ERC1: variants seen among roughly 807,000 people sequenced by gnomAD.
ERC1 encodes RAB6 interacting protein 2.
Under a neutral mutation model 132.0 loss-of-function variants are expected in ERC1, and 56 were observed. The observed-to-expected ratio is 0.42, with a 90% CI of 0.34 to 0.53. The LOEUF is 0.53. Among genes scored for constraint, ERC1 ranks in the 20% least tolerant of loss-of-function variants. The probability of loss-of-function intolerance (pLI) is 0.03; values close to 1 mark genes in which losing one functional copy is unlikely to be tolerated. For synonymous variants in ERC1, 478 were observed against 476.1 expected, an observed-to-expected ratio of 1.00 and a Z score of -0.05; for missense variants, 1,202 against 1,349.9, an observed-to-expected ratio of 0.89 and a Z score of 1.72.
chr12:1,065,480 T>G (rs80015030), intron 2 of ERC1, among the ~76,000 whole-genome samples: 10 of 124,920 alleles, frequency 8.0e-5, no homozygotes, highest in African/African-American at 1.5e-4. Context: ...TTTGTACCGT[T>G]TGTGTGTGTG....
At chr12:1,439,666 C>G (rs575458150) in intron 17 of ERC1, among the ~76,000 whole-genome samples, 1 of 152,206 alleles carries the variant, frequency 6.6e-6, no homozygotes, top group South Asian at 2.1e-4. Context: ...AAGTACAGTT[C>G]ATTATAGCTG....
At chr12:1,133,803 C>T (rs1028914820) in intron 7 of ERC1, among the ~76,000 whole-genome samples, 3 of 152,170 alleles carry the variant, frequency 2.0e-5, no homozygotes, top group Non-Finnish European at 2.9e-5. Context: ...CCCCATGCCT[C>T]TCCCTGTTCC....
chr12:1,460,464 A>G (rs1274455826), intron 18 of ERC1, among the ~76,000 whole-genome samples: 2 of 152,208 alleles, frequency 1.3e-5, no homozygotes, highest in African/African-American at 4.8e-5. Context: ...AGCTCCACCC[A>G]TCGCTGCACC....
At position 1,289,249 on chromosome 12, in the gene ERC1, TTATATAGG is replaced by T. The variant is rs200458670; in HGVS notation, c.2620-594_2620-587del. On this transcript the variant is annotated intron_variant, in intron 14 of 18. Coordinates refer to ENST00000360905, the MANE Select transcript of ERC1 (RefSeq NM_178040.4). ...TATAGGTATATATATGCCTGTATAG[TTATATAGG>T]TATATAGGGTTATATTTCCTTCCTG... is the stretch of plus-strand genomic sequence containing the variant. Among the ~76,000 whole-genome samples, 747 of 149,652 alleles carry T rather than the reference TTATATAGG, an allele frequency of 5.0e-3. 9 individuals are homozygous for T. Among genetic ancestry groups the T allele is most frequent in the African/African-American group, 0.017 (715 of 40,936 alleles).
rs1186249515 is a variant in ERC1, at chr12:1,375,795, T to C, written c.2925+3818T>C. 2.0e-5 allele frequency among the ~76,000 whole-genome samples: 3 copies of C among 147,546 alleles called. No homozygotes were observed. The East Asian group carries it at 6.0e-4, about 29-fold the overall frequency. ...CTCTGTTCCCCAGGCTGGAGTGCAGTGGTGCGATCTCGGCTCACTGCAACC... is the reference window on the plus strand; with the variant it reads ...CTCTGTTCCCCAGGCTGGAGTGCAGCGGTGCGATCTCGGCTCACTGCAACC... On this transcript the variant is annotated intron_variant, in intron 16 of 18. Coordinates refer to ENST00000360905, the MANE Select transcript of ERC1 (RefSeq NM_178040.4).
Position 1,407,113 on chromosome 12 carries a change from C to T in ERC1, c.2926-1036C>T, listed in dbSNP as rs114330235. ...TCATTTATTCAAGGCCTAAATTAAC[C>T]ACTCACACAGAATCACTAATCCAGT... On this transcript the variant is annotated intron_variant, in intron 16 of 18. Transcript: ENST00000360905. Among the ~76,000 whole-genome samples, 484 of 152,144 alleles carry T rather than the reference C, an allele frequency of 3.2e-3. 5 individuals are homozygous for T. Among genetic ancestry groups the T allele is most frequent in the African/African-American group, 0.011 (453 of 41,488 alleles).
chr12:1,003,314 T>A (rs1962834497), intron 1 of ERC1, among the ~76,000 whole-genome samples: 2 of 152,170 alleles, frequency 1.3e-5, no homozygotes, highest in Non-Finnish European at 2.9e-5. Context: ...TACACATCTT[T>A]TGTTAAATTT....
intron 12 of ERC1, among the ~76,000 whole-genome samples, chr12:1,220,963 C>A (rs1305644207): frequency 6.6e-6 from 1 of 152,204 alleles, no homozygotes; most frequent in Non-Finnish European, 1.5e-5. Flanking sequence ...TAGCTGTTGC[C>A]TTTGCAGTGG....
intron 12 of ERC1, among the ~76,000 whole-genome samples, chr12:1,216,060 T>C (rs1316031439): frequency 6.6e-6 from 1 of 152,166 alleles, no homozygotes; most frequent in Non-Finnish European, 1.5e-5. Flanking sequence ...AAATAAATTG[T>C]CCCCAAATTT....
At chr12:1,062,193 C>T (rs1938132164) in intron 2 of ERC1, among the ~76,000 whole-genome samples, 1 of 151,996 alleles carries the variant, frequency 6.6e-6, no homozygotes, top group African/African-American at 2.4e-5. Context: ...CCGTGTTAGC[C>T]AGGATGGTCT....
At chr12:991,556 A>G (rs930817036) in intron 1 of ERC1, 1 of 150,710 alleles carries the variant, frequency 6.6e-6, no homozygotes, top group South Asian at 2.1e-4. Flanking sequence ...CCCCACCCAG[A>G]CCACCGGCGC....
Position 1,183,537 on chromosome 12 carries a change from AAATACC to A in ERC1, c.2157+118_2157+123del, listed in dbSNP as rs1283716733. Reference sequence around the variant, plus strand: ...TGGAATAATAATCCGCCAAACTTTAAAATACCATGTATATCTGAATTAATTATCTTA... The same window carrying A: ...TGGAATAATAATCCGCCAAACTTTAAATGTATATCTGAATTAATTATCTTA... On this transcript the variant is annotated intron_variant, in intron 11 of 18. Coordinates refer to ENST00000360905, the MANE Select transcript of ERC1 (RefSeq NM_178040.4). 3.0e-5 allele frequency: 17 copies of A among 567,090 alleles called. No individual in the cohort carries two copies. The East Asian group carries it at 4.6e-4, about 15-fold the overall frequency. The allele number at this position is 567,090 out of a possible 1,614,324, so 35.1% of individuals were successfully genotyped here.
intron 16 of ERC1, among the ~76,000 whole-genome samples, chr12:1,397,650 A>G (rs1169468030): frequency 1.3e-5 from 2 of 152,238 alleles, no homozygotes; most frequent in African/African-American, 4.8e-5. Context: ...AGAAGAAACA[A>G]TTGAAAGACA....
chr12:1,469,771 CA>C (rs1407522334), intron 18 of ERC1, among the ~76,000 whole-genome samples: 3 of 152,168 alleles, frequency 2.0e-5, no homozygotes, highest in African/African-American at 7.2e-5. Context: ...CTTTCAACCC[CA>C]ACCTTCCCCA....
At chr12:1,429,634 T>C (rs1249597375) in intron 17 of ERC1, among the ~76,000 whole-genome samples, 2 of 152,202 alleles carry the variant, frequency 1.3e-5, no homozygotes, top group Non-Finnish European at 2.9e-5. Flanking sequence ...AAACAACTGC[T>C]AAATGATGGA....
intron 3 of ERC1, among the ~76,000 whole-genome samples, chr12:1,092,865 A>T (rs1418661926): frequency 6.6e-6 from 1 of 152,182 alleles, no homozygotes; most frequent in East Asian, 1.9e-4. Context: ...TGAGGCTGGC[A>T]CATGGTAATT....
chr12:1,341,283 G>T, intron 15 of ERC1, among the ~76,000 whole-genome samples: 1 of 151,324 alleles, frequency 6.6e-6, no homozygotes, highest in Non-Finnish European at 1.5e-5. Context: ...TTTCAATAGA[G>T]ACAGGGTTTC....
intron 12 of ERC1, among the ~76,000 whole-genome samples, chr12:1,218,300 G>C (rs976173316): frequency 1.6e-4 from 25 of 152,128 alleles, no homozygotes; most frequent in Non-Finnish European, 2.6e-4. Flanking sequence ...CCAACCTAAA[G>C]ATGCTTCTCC....
At chr12:1,485,621 G>A (rs2094202939) in intron 18 of ERC1, among the ~76,000 whole-genome samples, 1 of 152,024 alleles carries the variant, frequency 6.6e-6, no homozygotes. Flanking sequence ...TAGGTTTTTA[G>A]GCTTATGGTA....
Sources: allele counts gnomAD v4.1 joint callset (sites outside exome capture counted in the v4.1 genomes callset), GRCh38; gene constraint gnomAD v4.1.1; transcripts MANE v1.5; gene names NCBI Gene and HGNC (gene_info 2026-07-23, HGNC 2026-07-21).